The following PCDHA7 variants were observed in gnomAD, a reference collection of about 807,000 sequenced individuals.
PCDHA7 encodes the protein protocadherin alpha 7.
A neutral mutation model predicts 57.2 loss-of-function variants in PCDHA7; 37 were observed. The ratio of observed to expected loss-of-function variants is 0.65; its 90% CI spans 0.50 to 0.85. The LOEUF (loss-of-function observed/expected upper bound fraction) is 0.85, where lower values mean the gene tolerates loss of function less well. Ranked by LOEUF, PCDHA7 falls within the 40% of genes least tolerant of loss-of-function variation. PCDHA7 has a pLI of 0.00. For missense variants in PCDHA7, 1,188 were observed against 1,241.8 expected (o/e 0.96, Z 0.65); for synonymous variants, 553 against 558.8 (o/e 0.99, Z 0.15).
chr5:140,880,889 G>T (rs1554171573), intron 1 of PCDHA7, among the ~76,000 whole-genome samples: 1 of 152,130 alleles, frequency 6.6e-6, no homozygotes, highest in Admixed American at 6.6e-5. Context: ...GAAATGTAGG[G>T]CCAGATAGAA....
At chr5:140,916,273 G>C (rs962847536) in intron 1 of PCDHA7, among the ~76,000 whole-genome samples, 7 of 152,176 alleles carry the variant, frequency 4.6e-5, no homozygotes, top group African/African-American at 1.7e-4. Flanking sequence ...CATGCTTGTT[G>C]CTCTACTCCA....
chr5:140,950,741 C>G (rs149114023), intron 1 of PCDHA7, among the ~76,000 whole-genome samples: 2,002 of 152,118 alleles, frequency 0.013, 30 homozygotes, highest in South Asian at 0.028. Context: ...ATCCTAATTT[C>G]TCTCTATCCT....
intron 1 of PCDHA7, among the ~76,000 whole-genome samples, chr5:140,925,464 A>G (rs1181531744): frequency 6.6e-6 from 1 of 152,114 alleles, no homozygotes; most frequent in Non-Finnish European, 1.5e-5. Flanking sequence ...GTTGTGGCTC[A>G]GAGATGTTTC....
chr5:140,926,919 A>C (rs782148872), intron 1 of PCDHA7: 2 of 1,566,668 alleles, frequency 1.3e-6, no homozygotes, highest in South Asian at 2.4e-5. Flanking sequence ...TGGCAGTTTT[A>C]TGTTTGTGGG....
intron 1 of PCDHA7, chr5:140,851,576 G>C: frequency 1.1e-6 from 1 of 913,534 alleles, no homozygotes; most frequent in Non-Finnish European, 1.3e-6. Context: ...TCTACACTTA[G>C]AACATTTTTT....
intron 1 of PCDHA7, among the ~76,000 whole-genome samples, chr5:140,838,081 T>TA (rs1554136867): frequency 2.0e-3 from 27 of 13,358 alleles, no homozygotes; most frequent in Middle Eastern, 0.036. Flanking sequence ...ATATATAGTG[T>TA]GTGTGTGTGT....
chr5:140,951,773 A>T (rs1554220071), intron 1 of PCDHA7, among the ~76,000 whole-genome samples: 1 of 152,198 alleles, frequency 6.6e-6, no homozygotes, highest in East Asian at 1.9e-4. Context: ...TGACGTTCTT[A>T]CATTGCAAAA....
At chr5:140,983,178 A>G (rs1302819191) in intron 3 of PCDHA7, among the ~76,000 whole-genome samples, 2 of 152,158 alleles carry the variant, frequency 1.3e-5, no homozygotes, top group Admixed American at 6.5e-5. Context: ...CCGCCTCACA[A>G]TTTCTTAGTT....
Position 141,000,395 on chromosome 5 carries a change from C to CTA in PCDHA7, c.2504-9206_2504-9205dup, listed in dbSNP as rs1190667031. 1.6e-3 allele frequency among the ~76,000 whole-genome samples: 89 copies of CTA among 53,960 alleles called. 3 individuals carry two copies. Among genetic ancestry groups the CTA allele is most frequent in the Non-Finnish European group, 2.3e-3 (71 of 31,108 alleles). 35.4% of individuals were successfully genotyped at this position (53,960 alleles called of 152,430 possible). A position where few individuals can be genotyped will look rare whatever the true frequency, so the allele number is the denominator to read the frequency against. ...TCTCTCTCTCTCTCTCTCTCTCTCT[C>CTA]TATATATATATATATATATATATAT... On this transcript the variant is annotated intron_variant, in intron 3 of 3. Coordinates refer to ENST00000525929, the MANE Select transcript of PCDHA7 (RefSeq NM_018910.3).
In PCDHA7 at chr5:140,888,751, C is replaced by T. The variant is rs947840835; in HGVS notation, c.2355+52013C>T. On this transcript the variant is annotated intron_variant, in intron 1 of 3. Transcript: ENST00000525929. ...TTGTGAGCTCTAGGAATTATTCTAC[C>T]CACTTTTTTTTTTAATTTTGAAGGG... Among the ~76,000 whole-genome samples, 4 of 151,800 alleles carry T rather than the reference C, an allele frequency of 2.6e-5. No individual in the cohort carries two copies. The South Asian group carries it at 8.3e-4, about 32-fold the overall frequency.
chr5:140,870,528 A>T, intron 1 of PCDHA7: 11 of 1,614,214 alleles, frequency 6.8e-6, no homozygotes, highest in Non-Finnish European at 7.6e-6. Context: ...ACATCTTCAC[A>T]GTGTCGGCGC....
chr5:140,844,834 C>T (rs1554140741), intron 1 of PCDHA7, among the ~76,000 whole-genome samples: 1 of 149,116 alleles, frequency 6.7e-6, no homozygotes, highest in Non-Finnish European at 1.5e-5. Context: ...TACACGTTTG[C>T]TTCTTGTGAC....
At chr5:140,897,648 T>C (rs556362001) in intron 1 of PCDHA7, among the ~76,000 whole-genome samples, 1 of 152,302 alleles carries the variant, frequency 6.6e-6, no homozygotes, top group African/African-American at 2.4e-5. Flanking sequence ...ACAATAAACA[T>C]ACGTGTGCAT....
chr5:140,898,764 T>A (rs2066960471), intron 1 of PCDHA7, among the ~76,000 whole-genome samples: 1 of 152,192 alleles, frequency 6.6e-6, no homozygotes, highest in Non-Finnish European at 1.5e-5. Context: ...GCATTGAATC[T>A]GTAAATTACC....
chr5:140,967,659 G>A, intron 1 of PCDHA7: 1 of 1,614,218 alleles, frequency 6.2e-7, no homozygotes, highest in Non-Finnish European at 8.5e-7. Flanking sequence ...TCCTTGAGCA[G>A]CTACACGTCG....
chr5:141,000,765 G>T (rs1554257794), intron 3 of PCDHA7, among the ~76,000 whole-genome samples: 9 of 151,816 alleles, frequency 5.9e-5, no homozygotes, highest in Non-Finnish European at 2.9e-5. Context: ...ATCTTAGCCA[G>T]GCATAGTGGC....
At chr5:140,883,940 G>A in intron 1 of PCDHA7, 1 of 1,613,412 alleles carries the variant, frequency 6.2e-7, no homozygotes, top group Non-Finnish European at 8.5e-7. Flanking sequence ...CGTGCTGGAC[G>A]AGAACGACAA....
intron 1 of PCDHA7, among the ~76,000 whole-genome samples, chr5:140,847,064 A>G (rs1159869188): frequency 1.3e-5 from 2 of 149,866 alleles, no homozygotes; most frequent in Non-Finnish European, 3.0e-5. Flanking sequence ...AGAAAGCATC[A>G]ATATGACAAG....
chr5:140,906,327 A>G (rs1240461628), intron 1 of PCDHA7, among the ~76,000 whole-genome samples: 2 of 152,322 alleles, frequency 1.3e-5, no homozygotes, highest in African/African-American at 4.8e-5. Flanking sequence ...TGATACAACT[A>G]TCCTTCATAC....
Sources: gnomAD v4.1 joint callset for allele counts (sites outside exome capture counted in the v4.1 genomes callset) on GRCh38, gnomAD v4.1.1 for gene constraint, MANE v1.5 for transcripts, NCBI Gene and HGNC (gene_info 2026-07-23, HGNC 2026-07-21) for gene names.